MGAM: variants seen among roughly 807,000 people sequenced by gnomAD.
MGAM encodes alpha-1,4-glucosidase.
A neutral mutation model predicts 358.8 loss-of-function variants in MGAM; 253 were observed. That is an observed-to-expected ratio of 0.71 (90% CI 0.64 to 0.78). The LOEUF is 0.78. MGAM is among the 30% of genes least tolerant of loss of function. The probability of loss-of-function intolerance (pLI) is 0.00; values close to 1 mark genes in which losing one functional copy is unlikely to be tolerated. For missense variants in MGAM, 3,080 were observed against 3,432.6 expected (o/e 0.90, Z 2.57); for synonymous variants, 1,105 against 1,227.1 (o/e 0.90, Z 2.08).
upstream of MGAM, among the ~76,000 whole-genome samples, chr7:141,995,623 G>T (rs1389019718): frequency 6.6e-6 from 1 of 152,110 alleles, no homozygotes; most frequent in East Asian, 1.9e-4. Flanking sequence ...GACATACAGG[G>T]TGTCCTCACC....
chr7:141,995,129 C>A (rs1266421775), upstream of MGAM, among the ~76,000 whole-genome samples: 1 of 152,150 alleles, frequency 6.6e-6, no homozygotes, highest in East Asian at 1.9e-4. Flanking sequence ...TATGAATGCG[C>A]CTTTAAGCTC....
At chr7:142,045,033 CGTGT>C (rs1418010728) in intron 21 of MGAM, among the ~76,000 whole-genome samples, 9 of 86,954 alleles carry the variant, frequency 1.0e-4, no homozygotes, top group African/African-American at 3.2e-4. Flanking sequence ...ATTGTATACA[CGTGT>C]AATATATGAT....
chr7:142,050,732 C>T lies in MGAM; in HGVS notation c.2673C>T (p.Tyr891=). The T allele has an allele frequency of 6.2e-7, 1 of 1,613,754 alleles. No homozygotes were observed. The highest frequency in any genetic ancestry group is 1.3e-5 in the African/African-American group (1 of 75,012). The change falls in exon 24 of 71, where the codon TAC becomes TAT. Residue 891 remains tyrosine (Y), a synonymous_variant. Transcript: ENST00000475668. ...RLEVNISQST[Y]KDPNNLAFNE... ...AGGTGAATATTTCACAATCAACCTA[C>T]AAGGACCCCAATAATTTAGCATTTA... is the stretch of plus-strand genomic sequence containing the variant.
chr7:142,059,465 C>T lies in MGAM; in HGVS notation c.3820-7C>T, dbSNP rs777350287. On this transcript the variant is annotated splice_polypyrimidine_tract_variant and splice_region_variant and intron_variant, in intron 31 of 70. Transcript: ENST00000475668. ...GCAGCCTCTCAGCTCCCCATGTCCTCCCGCAGGATGTGCAGTACTCAGACA... is the reference window on the plus strand; with the variant it reads ...GCAGCCTCTCAGCTCCCCATGTCCTTCCGCAGGATGTGCAGTACTCAGACA... 1 of 1,605,376 alleles carries T rather than the reference C, an allele frequency of 6.2e-7. No individual in the cohort carries two copies. Among genetic ancestry groups the T allele is most frequent in the East Asian group, 2.2e-5 (1 of 44,828 alleles).
At chr7:142,081,864 T>C (rs1435299564) in intron 50 of MGAM, among the ~76,000 whole-genome samples, 178 bp from the exon 51 acceptor site, 1 of 145,692 alleles carries the variant, frequency 6.9e-6, no homozygotes, top group Non-Finnish European at 1.6e-5. Flanking sequence ...AATGAAGAAC[T>C]CCTGGGCTTT....
chr7:142,076,158 G>A lies in MGAM; in HGVS notation c.5276-45G>A, dbSNP rs2129049949. The A allele has an allele frequency of 4.2e-6, 6 of 1,424,432 alleles. 1 individual carries two copies. The highest frequency in any genetic ancestry group is 4.9e-6 in the Non-Finnish European group (5 of 1,014,462). The allele number at this position is 1,424,432 out of a possible 1,614,324, so 88.2% of individuals were successfully genotyped here. On this transcript the variant is annotated intron_variant, in intron 45 of 70. Transcript: ENST00000475668. Reference sequence around the variant, plus strand: ...GTGGGAGTGTGAAATCTGTTCTTCTGTGGTGGGCAAGCCGGAGTCTGACTT... The same window carrying A: ...GTGGGAGTGTGAAATCTGTTCTTCTATGGTGGGCAAGCCGGAGTCTGACTT...
At chr7:142,100,952 C>A in intron 68 of MGAM, 62 bp downstream of exon 68, 1 of 1,440,628 alleles carries the variant, frequency 6.9e-7, no homozygotes. Context: ...GATTATCTTA[C>A]AGGCCTGCTT....
chr7:142,095,820 G>T (rs1243198324), intron 64 of MGAM, 107 bp downstream of exon 64: 12 of 1,503,780 alleles, frequency 8.0e-6, no homozygotes, highest in East Asian at 2.3e-5. Flanking sequence ...TTTGACATGA[G>T]CTCTTCAGGT....
At chr7:142,097,721 CT>C (rs1446431374) in intron 66 of MGAM, 72 bp downstream of exon 66, 7 of 1,477,094 alleles carry the variant, frequency 4.7e-6, no homozygotes, top group Non-Finnish European at 6.6e-6. Flanking sequence ...TCTGATAGAC[CT>C]TAGGTCAAAT....
chr7:142,063,609 A>T (rs761583239), intron 36 of MGAM, 23 bp downstream of exon 36: 2 of 1,609,498 alleles, frequency 1.2e-6, no homozygotes, highest in East Asian at 4.5e-5. Context: ...GGCCTCCTTG[A>T]CTGGCAGAGC....
intron 19 of MGAM, among the ~76,000 whole-genome samples, chr7:142,039,307 A>G (rs1487042341): frequency 6.6e-6 from 1 of 151,764 alleles, no homozygotes; most frequent in Non-Finnish European, 1.5e-5. Context: ...GTTTCATGTT[A>G]GCCAGGCTGG....
At chr7:141,995,063 G>C (rs1290316771), upstream of MGAM, among the ~76,000 whole-genome samples, 4 of 152,166 alleles carry the variant, frequency 2.6e-5, no homozygotes, top group Non-Finnish European at 5.9e-5. Context: ...GCAGGACATT[G>C]TTTATGCCTA....
In MGAM at chr7:142,071,109, C is replaced by T; in HGVS notation, c.5177C>T (p.Thr1726Ile). ...ILPWQEPALNTHLSRKNPLGL... is the reference protein window; with the variant it reads ...ILPWQEPALNIHLSRKNPLGL... ...CCCTGGCAAGAGCCTGCACTGAACA[C>T]CCACTTAAGGTGAATGACAGGACTC... is the stretch of plus-strand genomic sequence containing the variant. Residue 1726 changes from threonine to isoleucine, a missense_variant, in exon 44 of 71, where the codon ACC becomes ATC. By Grantham distance (89) the Thr-to-Ile change is moderately conservative. Transcript: ENST00000475668. 5.1e-6 allele frequency: 8 copies of T among 1,554,690 alleles called. 1 individual carries two copies. The highest frequency in any genetic ancestry group is 7.1e-6 in the Non-Finnish European group (8 of 1,131,714).
At chr7:142,011,904 T>G (rs1805630012) in intron 3 of MGAM, among the ~76,000 whole-genome samples, 1 of 152,148 alleles carries the variant, frequency 6.6e-6, no homozygotes, top group Admixed American at 6.6e-5. Flanking sequence ...GTGGCCAGCC[T>G]AACAAGCTAA....
intron 47 of MGAM, among the ~76,000 whole-genome samples, 165 bp from the exon 48 acceptor site, chr7:142,078,153 G>A (rs1319185078): frequency 6.8e-6 from 1 of 146,188 alleles, no homozygotes; most frequent in Non-Finnish European, 1.5e-5. Context: ...TTCCCCCACT[G>A]TACAGTTCTC....
At chr7:141,993,643 AG>A (rs1804038886), upstream of MGAM, among the ~76,000 whole-genome samples, 1 of 152,168 alleles carries the variant, frequency 6.6e-6, no homozygotes, top group Non-Finnish European at 1.5e-5. Flanking sequence ...GTGAACTTGG[AG>A]GGGGAAAATA....
intron 29 of MGAM, 74 bp from the exon 30 acceptor site, chr7:142,056,756 G>A: frequency 7.0e-7 from 1 of 1,432,882 alleles, no homozygotes; most frequent in South Asian, 1.2e-5. Context: ...GGAAGATGGA[G>A]AATGTGTGGA....
chr7:142,065,685 G>C, intron 39 of MGAM, 30 bp from the exon 40 acceptor site: 1 of 1,609,162 alleles, frequency 6.2e-7, no homozygotes, highest in Non-Finnish European at 8.5e-7. Context: ...GAAATCATCA[G>C]CAGGCTCCTT....
chr7:142,005,614 T>A lies in MGAM; in HGVS notation c.84T>A (p.Ile28=). ...TGCTTGTGTTGTTTATCATCAGTAT[T>A]GTTCTAATTGTGCTTTTAGCCAAAG... The part of the protein sequence containing the change: ...VLLLVLFIIS[I]VLIVLLAKES... Residue 28 remains isoleucine, a synonymous_variant, in exon 2 of 71, where the codon ATT becomes ATA. Coordinates refer to ENST00000475668, the MANE Select transcript of MGAM (RefSeq NM_001365693.1). 1 of 1,596,640 alleles carries A rather than the reference T, an allele frequency of 6.3e-7. No individual in the cohort carries two copies. Among genetic ancestry groups the A allele is most frequent in the South Asian group, 1.1e-5 (1 of 88,444 alleles).
Sources: gnomAD v4.1 joint callset for allele counts (sites outside exome capture counted in the v4.1 genomes callset) on GRCh38, gnomAD v4.1.1 for gene constraint, MANE v1.5 for transcripts, NCBI Gene and HGNC (gene_info 2026-07-23, HGNC 2026-07-21) for gene names.